Variants in PAX3 observed in about 807,000 individuals in gnomAD.
PAX3 encodes the protein paired box protein Pax-3.
Under a neutral mutation model 51.6 loss-of-function variants are expected in PAX3, and 14 were observed. The ratio of observed to expected loss-of-function variants is 0.27; its 90% confidence interval spans 0.18 to 0.42. The LOEUF (loss-of-function observed/expected upper bound fraction) is 0.42. Among genes scored for constraint, PAX3 ranks in the 10% least tolerant of loss-of-function variants. The probability of loss-of-function intolerance (pLI) is 1.00; values close to 1 mark genes in which losing one functional copy is unlikely to be tolerated. For synonymous variants in PAX3, 280 were observed against 253.4 expected, an observed-to-expected ratio of 1.11 and a Z score of -1.00; for missense variants, 540 against 642.8, an observed-to-expected ratio of 0.84 and a Z score of 1.73.
intron 7 of PAX3, among the ~76,000 whole-genome samples, chr2:222,207,705 T>C (rs1489800510): frequency 6.6e-6 from 1 of 152,142 alleles, no homozygotes; most frequent in Non-Finnish European, 1.5e-5. Flanking sequence ...TTATTTTGAA[T>C]ACCTATTGCT....
intron 4 of PAX3, among the ~76,000 whole-genome samples, chr2:222,290,241 C>A (rs1036331797): frequency 1.3e-5 from 2 of 151,822 alleles, no homozygotes; most frequent in South Asian, 2.1e-4. Context: ...TAATCTTCTC[C>A]TACCTCCCCC....
At chr2:222,206,058 T>C (rs747468939) in intron 7 of PAX3, among the ~76,000 whole-genome samples, 15 of 152,312 alleles carry the variant, frequency 9.8e-5, no homozygotes, top group South Asian at 6.2e-4. Flanking sequence ...AAATCTTCAT[T>C]TGTTGTAAAG....
intron 4 of PAX3, among the ~76,000 whole-genome samples, chr2:222,292,799 T>G (rs1695092043): frequency 6.6e-6 from 1 of 152,216 alleles, no homozygotes; most frequent in Non-Finnish European, 1.5e-5. Context: ...GAGGCCTCTG[T>G]CATAAAGCAA....
At chr2:222,270,891 TTCTG>T (rs1329526726) in intron 4 of PAX3, among the ~76,000 whole-genome samples, 1 of 152,198 alleles carries the variant, frequency 6.6e-6, no homozygotes, top group Non-Finnish European at 1.5e-5. Flanking sequence ...ATAGAATTAG[TTCTG>T]TCTATTTTAG....
intron 5 of PAX3, 33 bp from the exon 6 acceptor site, chr2:222,221,420 C>T (rs375632725): frequency 5.1e-6 from 8 of 1,580,874 alleles, no homozygotes; most frequent in Non-Finnish European, 7.0e-6. Flanking sequence ...AAGGATTTCA[C>T]TGATGAAATA....
intron 4 of PAX3, among the ~76,000 whole-genome samples, chr2:222,243,392 A>G (rs1227415914): frequency 6.6e-6 from 1 of 152,236 alleles, no homozygotes; most frequent in East Asian, 1.9e-4. Context: ...ACATTTATTA[A>G]ATGCCTGAGA....
chr2:222,295,073 CGGG>C (rs1695222236), intron 3 of PAX3, among the ~76,000 whole-genome samples: 1 of 151,846 alleles, frequency 6.6e-6, no homozygotes, highest in Admixed American at 6.6e-5. Context: ...GCTGCCGTGG[CGGG>C]GGGCTCCGGA....
At chr2:222,263,230 T>C (rs1210368970) in intron 4 of PAX3, 4 of 152,132 alleles carry the variant, frequency 2.6e-5, no homozygotes, top group South Asian at 2.1e-4. Flanking sequence ...AAGACCTGCA[T>C]TGAGAATATA....
intron 7 of PAX3, among the ~76,000 whole-genome samples, chr2:222,203,049 A>ATATATATG (rs1559250438): frequency 1.5e-5 from 2 of 133,598 alleles, no homozygotes; most frequent in African/African-American, 5.5e-5. Context: ...ATATATATAT[A>ATATATATG]TATATATGAA....
rs866753361 is a variant in PAX3, at chr2:222,253,804, G to C, written c.587-21521C>G. On this transcript the variant is annotated intron_variant, in intron 4 of 8. Transcript: ENST00000392070. ...TAGTTGAGTAGCTAGGACTGCAGAAGCATGCCACCACATCCCACTAATTTT... is the reference window on the plus strand; with the variant it reads ...TAGTTGAGTAGCTAGGACTGCAGAACCATGCCACCACATCCCACTAATTTT... Among the ~76,000 whole-genome samples, 34 of 152,046 alleles carry C rather than the reference G, an allele frequency of 2.2e-4. 1 individual carries two copies. In the Middle Eastern group the frequency reaches 0.017, roughly 77 times the overall value.
intron 2 of PAX3, 59 bp downstream of exon 2, chr2:222,296,919 C>T: frequency 1.4e-6 from 2 of 1,410,468 alleles, no homozygotes; most frequent in East Asian, 4.9e-5. Context: ...CCCGCCCGGT[C>T]TTCCCCAACA....
chr2:222,200,642 G>T lies in PAX3; in HGVS notation c.*766C>A. On this transcript the variant is annotated 3_prime_UTR_variant, in exon 9 of 9. Transcript: ENST00000392070. Reference sequence around the variant, plus strand: ...CCGTGCCCTTCCTCCAACCCAGGTGGGCTACCAAATAAATGTGAACTGGAA... The same window carrying T: ...CCGTGCCCTTCCTCCAACCCAGGTGTGCTACCAAATAAATGTGAACTGGAA... The T allele has an allele frequency of 4.0e-6, 1 of 251,602 alleles. No individual in the cohort carries two copies. The highest frequency in any genetic ancestry group is 7.8e-6 in the Non-Finnish European group (1 of 128,426). 15.6% of individuals were successfully genotyped at this position (251,602 alleles called of 1,614,324 possible).
At chr2:222,247,938 G>C (rs1400413391) in intron 4 of PAX3, among the ~76,000 whole-genome samples, 1 of 151,684 alleles carries the variant, frequency 6.6e-6, no homozygotes, top group Non-Finnish European at 1.5e-5. Context: ...TATTATCTTT[G>C]TTTTAAAAAT....
At chr2:222,235,821 C>T (rs994834162) in intron 4 of PAX3, among the ~76,000 whole-genome samples, 8 of 152,120 alleles carry the variant, frequency 5.3e-5, no homozygotes, top group African/African-American at 1.4e-4. Context: ...ATAGGACAGC[C>T]GTTACCACCA....
chr2:222,254,157 T>TA lies in PAX3; in HGVS notation c.587-21875_587-21874insT, dbSNP rs550601923. The stretch of plus-strand genomic sequence containing the variant: ...GAAATGCCTATTGCAAATTTTTTTT[T>TA]TAAAAAAAAGTTTCACTTTAAGTAT... On this transcript the variant is annotated intron_variant, in intron 4 of 8. Transcript: ENST00000392070. Among the ~76,000 whole-genome samples, 665 of 152,050 alleles carry TA rather than the reference T, an allele frequency of 4.4e-3. 4 individuals carry two copies. The highest frequency in any genetic ancestry group is 0.015 in the African/African-American group (634 of 41,492).
intron 4 of PAX3, among the ~76,000 whole-genome samples, chr2:222,254,456 A>G (rs2106131677): frequency 6.6e-6 from 1 of 152,314 alleles, no homozygotes; most frequent in East Asian, 1.9e-4. Context: ...TCAGTTTCTT[A>G]GATGACCAGG....
At chr2:222,205,907 A>G (rs985717672) in intron 7 of PAX3, among the ~76,000 whole-genome samples, 1 of 152,216 alleles carries the variant, frequency 6.6e-6, no homozygotes, top group African/African-American at 2.4e-5. Flanking sequence ...AGAAGTTGGT[A>G]AATGAACTTC....
chr2:222,238,865 A>G (rs551091246), intron 4 of PAX3, among the ~76,000 whole-genome samples: 1 of 152,344 alleles, frequency 6.6e-6, no homozygotes, highest in East Asian at 1.9e-4. Context: ...GGTCTTTAAC[A>G]GGTCAACTTG....
intron 8 of PAX3, 31 bp from the exon 9 acceptor site, chr2:222,201,473 C>A (rs776946728): frequency 1.2e-6 from 2 of 1,613,780 alleles, no homozygotes; most frequent in South Asian, 2.2e-5. Flanking sequence ...CTTTTTAGGT[C>A]ATGCTGGGAC....
Sources: allele counts gnomAD v4.1 joint callset (sites outside exome capture counted in the v4.1 genomes callset), GRCh38; gene constraint gnomAD v4.1.1; transcripts MANE v1.5; gene names NCBI Gene and HGNC (gene_info 2026-07-23, HGNC 2026-07-21).